SIPA1L3: variants seen among roughly 807,000 people sequenced by gnomAD.
SIPA1L3 encodes signal-induced proliferation-associated 1-like protein 3.
A neutral mutation model predicts 150.1 loss-of-function variants in SIPA1L3; 59 were observed. That is an observed-to-expected ratio of 0.39 (90% CI 0.32 to 0.49). The LOEUF (loss-of-function observed/expected upper bound fraction) is 0.49, where lower values mean the gene tolerates loss of function less well. SIPA1L3 is among the 20% of genes least tolerant of loss of function. The pLI is 0.86. For synonymous variants in SIPA1L3, 1,070 were observed against 1,077.6 expected (o/e 0.99, Z 0.14); for missense variants, 2,211 against 2,489.5 (o/e 0.89, Z 2.38).
In SIPA1L3 at chr19:38,204,123, C is replaced by G. The variant is rs1476667362; in HGVS notation, c.5121-4C>G. 5 of 1,555,394 alleles carry G rather than the reference C, an allele frequency of 3.2e-6. No homozygotes were observed. The African/African-American group carries it at 5.5e-5, about 17-fold the overall frequency. On this transcript the variant is annotated splice_region_variant and splice_polypyrimidine_tract_variant and intron_variant, in intron 20 of 21. Coordinates refer to ENST00000222345, the MANE Select transcript of SIPA1L3 (RefSeq NM_015073.3). ...CAGGCTGACCTTGTCCCTGGTTTTT[C>G]CAGCGAGGAGCCACCCCTGGATCTG...
At chr19:38,160,464 C>T (rs1157743144) in intron 13 of SIPA1L3, among the ~76,000 whole-genome samples, 3 of 150,354 alleles carry the variant, frequency 2.0e-5, no homozygotes, top group Admixed American at 1.3e-4. Context: ...TGCAGGGGTG[C>T]GATCTCGGCT....
At chr19:37,989,016 C>T (rs890512442) in intron 1 of SIPA1L3, among the ~76,000 whole-genome samples, 11 of 152,196 alleles carry the variant, frequency 7.2e-5, no homozygotes, top group African/African-American at 2.2e-4. Context: ...CTCTCCCCTT[C>T]TCATGCAATA....
At chr19:38,145,404 G>A (rs1285321212) in intron 12 of SIPA1L3, among the ~76,000 whole-genome samples, 3 of 151,782 alleles carry the variant, frequency 2.0e-5, no homozygotes, top group Non-Finnish European at 4.4e-5. Context: ...GTGGTGGCAC[G>A]CGCCTGTAAT....
Position 38,110,399 on chromosome 19 carries a change from C to G in SIPA1L3, c.2291+15C>G, listed in dbSNP as rs777552835. On this transcript the variant is annotated intron_variant, in intron 8 of 21. Coordinates refer to ENST00000222345, the MANE Select transcript of SIPA1L3 (RefSeq NM_015073.3). The stretch of plus-strand genomic sequence containing the variant: ...GTCTGTTACAGGTATGCCCCCCACA[C>G]CCGGCCCCCAGCAGCGTATGGAGAG... The G allele has an allele frequency of 6.2e-7, 1 of 1,607,002 alleles. No individual in the cohort carries two copies. The highest frequency in any genetic ancestry group is 8.5e-7 in the Non-Finnish European group (1 of 1,174,758).
intron 1 of SIPA1L3, among the ~76,000 whole-genome samples, chr19:38,008,388 C>T (rs1232703881): frequency 6.6e-6 from 1 of 151,434 alleles, no homozygotes; most frequent in Non-Finnish European, 1.5e-5. Flanking sequence ...CCACCATGCC[C>T]AGCTAATTTT....
In SIPA1L3 at chr19:38,119,356, C is replaced by G; in HGVS notation, c.2342C>G (p.Pro781Arg). 3 of 1,614,226 alleles carry G rather than the reference C, an allele frequency of 1.9e-6. No individual in the cohort carries two copies. The highest frequency in any genetic ancestry group is 2.5e-6 in the Non-Finnish European group (3 of 1,180,046). The change falls in exon 9 of 22, where the codon CCC (proline) becomes CGC (arginine). Residue 781 changes from proline to arginine, a missense_variant. This residue lies in a region of SIPA1L3 where 625 missense variants were observed against 804.2 expected (regional missense o/e 0.78). Transcript: ENST00000222345. Reference protein sequence around the residue: ...KDAPPFGPPIPSGTTFRKSDV... With the variant: ...KDAPPFGPPIRSGTTFRKSDV... ...GCTCCTCCTTTCGGCCCCCCCATCC[C>G]CAGTGGAACCACATTCCGCAAATCC...
chr19:37,954,255 GA>G, intron 1 of SIPA1L3, among the ~76,000 whole-genome samples: 1 of 152,198 alleles, frequency 6.6e-6, no homozygotes, highest in South Asian at 2.1e-4. Context: ...TGACATTCAT[GA>G]TCCTACTATG....
chr19:38,036,235 C>T (rs1968781958), intron 2 of SIPA1L3, among the ~76,000 whole-genome samples: 1 of 152,210 alleles, frequency 6.6e-6, no homozygotes, highest in African/African-American at 2.4e-5. Context: ...GGGATGGAGC[C>T]GGGAGGGCAC....
Position 38,083,069 on chromosome 19 carries a change from C to T in SIPA1L3, c.1504C>T (p.Arg502Cys), listed in dbSNP as rs773978186. Residue 502 changes from arginine (R) to cysteine (C), a missense_variant, in exon 3 of 22, where the codon CGC (arginine) becomes TGC (cysteine). Physicochemically the swap from Arg to Cys is radical, Grantham distance 180 (BLOSUM62 -3). This residue lies in a region of SIPA1L3 where 625 missense variants were observed against 804.2 expected (regional missense o/e 0.78). Transcript: ENST00000222345. Reference sequence around the variant, plus strand: ...CATCGAGCATGTGGACCTGGGCGCCCGCTACTACCAGGATTACTTCGTGGG... The same window carrying T: ...CATCGAGCATGTGGACCTGGGCGCCTGCTACTACCAGGATTACTTCGTGGG... ...YSIEHVDLGA[R>C]YYQDYFVGKE... 1.2e-6 allele frequency: 2 copies of T among 1,611,868 alleles called. No homozygotes were observed. Among genetic ancestry groups the T allele is most frequent in the Middle Eastern group, 1.6e-4 (1 of 6,062 alleles).
intron 9 of SIPA1L3, among the ~76,000 whole-genome samples, chr19:38,126,208 C>CA (rs927441479): frequency 1.3e-4 from 20 of 150,034 alleles, no homozygotes; most frequent in East Asian, 5.8e-4. Flanking sequence ...CAAAACAAAA[C>CA]AAAAAAAAAC....
rs140285720 is a variant in SIPA1L3, at chr19:38,053,714, G to A, written c.-311+24558G>A. On this transcript the variant is annotated intron_variant, in intron 2 of 21. Coordinates refer to ENST00000222345, the MANE Select transcript of SIPA1L3 (RefSeq NM_015073.3). ...TGGGATCACAGGCGTGTGCCAACAC[G>A]CCCAGCTAATTTTTATTATTTTTTA... Among the ~76,000 whole-genome samples, 314 of 152,088 alleles carry A rather than the reference G, an allele frequency of 2.1e-3. 1 individual carries two copies. Among genetic ancestry groups the A allele is most frequent in the African/African-American group, 7.2e-3 (299 of 41,524 alleles).
In SIPA1L3 at chr19:38,141,367, C is replaced by T; in HGVS notation, c.3327C>T (p.Ser1109=). 1 of 1,613,946 alleles carries T rather than the reference C, an allele frequency of 6.2e-7. No individual in the cohort carries two copies. Among genetic ancestry groups the T allele is most frequent in the Non-Finnish European group, 8.5e-7 (1 of 1,180,024 alleles). ...CAACCACTCCCGGCCATGCCCAGTC[C>T]CTGAGCCGGCCCCTGAAGCAGACCC... is the stretch of plus-strand genomic sequence containing the variant. ...ATPTTPGHAQ[S]LSRPLKQTPI... Residue 1109 remains serine (S), a synonymous_variant, in exon 11 of 22, where the codon TCC becomes TCT. Transcript: ENST00000222345.
In SIPA1L3 at chr19:38,084,635, CTT is replaced by C. The variant is rs902218818; in HGVS notation, c.1534+1554_1534+1555del. Among the ~76,000 whole-genome samples, 84 of 104,478 alleles carry C rather than the reference CTT, an allele frequency of 8.0e-4. 1 individual carries two copies. In the East Asian group the frequency reaches 0.019, roughly 24 times the overall value. 68.5% of individuals were successfully genotyped at this position (104,478 alleles called of 152,430 possible). On this transcript the variant is annotated intron_variant, in intron 3 of 21. Coordinates refer to ENST00000222345, the MANE Select transcript of SIPA1L3 (RefSeq NM_015073.3). The stretch of plus-strand genomic sequence containing the variant: ...TTTTTTTTGTTGTTTTTTTCTTTTT[CTT>C]TTTTTTTTTTTTTTTTTGAGGCAGT...
At position 38,198,434 on chromosome 19, in the gene SIPA1L3, GC is replaced by G. The variant is rs1446406101; in HGVS notation, c.4891del (p.Leu1631CysfsTer8). The G allele has an allele frequency of 1.9e-6, 3 of 1,596,196 alleles. No homozygotes were observed. The highest frequency in any genetic ancestry group is 2.6e-6 in the Non-Finnish European group (3 of 1,172,546). On this transcript the variant is annotated frameshift_variant, in exon 19 of 22. Coordinates refer to ENST00000222345, the MANE Select transcript of SIPA1L3 (RefSeq NM_015073.3). LOFTEE classifies it high-confidence loss of function. ...SELSLADGRDRPLRRLDPGLM... is the reference protein window; with the variant it reads ...SELSLADGRDXPLRRLDPGLM... Reference sequence around the variant, plus strand: ...CTCTCGCTGGCTGATGGGCGGGACCGCCCCCTGCGGCGCCTGGACCCTGGGC... The same window carrying G: ...CTCTCGCTGGCTGATGGGCGGGACCGCCCCTGCGGCGCCTGGACCCTGGGC...
intron 1 of SIPA1L3, among the ~76,000 whole-genome samples, chr19:37,937,027 A>C (rs764121083): frequency 6.6e-6 from 1 of 151,940 alleles, no homozygotes. Flanking sequence ...TGGTTGGCTA[A>C]TTTTTTTCAT....
intron 13 of SIPA1L3, among the ~76,000 whole-genome samples, chr19:38,161,379 A>C (rs2145978390): frequency 6.6e-6 from 1 of 151,458 alleles, no homozygotes; most frequent in Non-Finnish European, 1.5e-5. Flanking sequence ...CATACAACCA[A>C]CAAAGGATTG....
At chr19:38,018,472 T>C (rs542602294) in intron 1 of SIPA1L3, among the ~76,000 whole-genome samples, 2 of 152,292 alleles carry the variant, frequency 1.3e-5, no homozygotes, top group East Asian at 3.9e-4. Flanking sequence ...TTTCTATCTC[T>C]ATGGGTTCGC....
At chr19:38,093,120 A>G (rs1348601569) in intron 4 of SIPA1L3, among the ~76,000 whole-genome samples, 2 of 151,986 alleles carry the variant, frequency 1.3e-5, no homozygotes, top group African/African-American at 4.8e-5. Context: ...CAGCCTCCCA[A>G]AGTGCCGGGA....
intron 1 of SIPA1L3, among the ~76,000 whole-genome samples, chr19:37,999,655 G>A (rs1599883958): frequency 6.6e-6 from 1 of 152,244 alleles, no homozygotes; most frequent in African/African-American, 2.4e-5. Flanking sequence ...AAAGGTCATC[G>A]TTTAAGAATG....
Sources: gnomAD v4.1 joint callset for allele counts (sites outside exome capture counted in the v4.1 genomes callset) on GRCh38, gnomAD v4.1.1 for gene constraint, gnomAD v4.1.1 regional missense constraint, MANE v1.5 for transcripts, NCBI Gene and HGNC (gene_info 2026-07-23, HGNC 2026-07-21) for gene names.